SYNPR: variants seen among roughly 807,000 people sequenced by gnomAD.
SYNPR encodes the protein synaptoporin.
A neutral mutation model predicts 32.9 loss-of-function variants in SYNPR; 23 were observed. The ratio of observed to expected loss-of-function variants is 0.70; its 90% CI spans 0.50 to 0.99. The LOEUF is 0.99. Among genes scored for constraint, SYNPR ranks in the 50% least tolerant of loss-of-function variants. SYNPR has a pLI of 0.00. For missense variants in SYNPR, 318 were observed against 349.3 expected (o/e 0.91, Z 0.71); for synonymous variants, 146 against 135.9 (o/e 1.07, Z -0.52).
At chr3:63,235,632 C>A (rs1325646280) in intron 1 of SYNPR, among the ~76,000 whole-genome samples, 1 of 151,854 alleles carries the variant, frequency 6.6e-6, no homozygotes, top group Non-Finnish European at 1.5e-5. Context: ...ATGATTTAAA[C>A]AAAATTTTAA....
intron 4 of SYNPR, among the ~76,000 whole-genome samples, chr3:63,559,702 TG>T (rs1702652735): frequency 8.2e-6 from 1 of 121,638 alleles, no homozygotes; most frequent in Non-Finnish European, 1.7e-5. Flanking sequence ...TTTGGGCAAG[TG>T]TTTTTTTTTT....
intron 2 of SYNPR, among the ~76,000 whole-genome samples, chr3:63,371,071 T>C (rs34100784): frequency 0.14 from 20,506 of 151,626 alleles, 2,138 homozygotes; most frequent in East Asian, 0.57. Context: ...AACCCACGAA[T>C]GAAAGAGAGG....
At chr3:63,301,206 C>T (rs887879580) in intron 2 of SYNPR, among the ~76,000 whole-genome samples, 2 of 152,044 alleles carry the variant, frequency 1.3e-5, no homozygotes. Flanking sequence ...AGTAGTATTA[C>T]CGTTATAAGT....
intron 2 of SYNPR, among the ~76,000 whole-genome samples, chr3:63,377,273 A>G (rs2087906822): frequency 6.6e-6 from 1 of 152,146 alleles, no homozygotes; most frequent in Non-Finnish European, 1.5e-5. Context: ...AGGATGTGGC[A>G]TTTTATTACT....
At chr3:63,382,601 A>C (rs2087986509) in intron 2 of SYNPR, among the ~76,000 whole-genome samples, 1 of 152,120 alleles carries the variant, frequency 6.6e-6, no homozygotes, top group African/African-American at 2.4e-5. Context: ...TTCCATCTCC[A>C]TATCTGAGAT....
At chr3:63,304,667 T>G (rs1307060006) in intron 2 of SYNPR, among the ~76,000 whole-genome samples, 1 of 151,998 alleles carries the variant, frequency 6.6e-6, no homozygotes, top group Non-Finnish European at 1.5e-5. Context: ...CTTGGGACTA[T>G]AAGTACCATA....
At chr3:63,282,684 G>GAAAA (rs34234414) in intron 2 of SYNPR, among the ~76,000 whole-genome samples, 6 of 115,830 alleles carry the variant, frequency 5.2e-5, no homozygotes, top group African/African-American at 7.3e-5. Context: ...CACTGTCTCA[G>GAAAA]AAAAAAAAAA....
chr3:63,577,390 A>G (rs1050871769), intron 4 of SYNPR, among the ~76,000 whole-genome samples: 1 of 152,180 alleles, frequency 6.6e-6, no homozygotes, highest in Non-Finnish European at 1.5e-5. Flanking sequence ...CAAGACCCAC[A>G]TGGAGAGGAA....
intron 4 of SYNPR, among the ~76,000 whole-genome samples, chr3:63,584,496 C>T (rs1236984527): frequency 6.6e-6 from 1 of 151,862 alleles, no homozygotes; most frequent in Middle Eastern, 3.2e-3. Flanking sequence ...CATCAATAAA[C>T]CAAGTGTGGT....
intron 2 of SYNPR, among the ~76,000 whole-genome samples, chr3:63,407,009 C>T (rs548867286): frequency 3.7e-4 from 56 of 152,238 alleles, no homozygotes; most frequent in Admixed American, 1.0e-3. Flanking sequence ...TGAGTTCATG[C>T]GCTACTTGTC....
chr3:63,375,673 A>T (rs1238706737), intron 2 of SYNPR, among the ~76,000 whole-genome samples: 3 of 152,190 alleles, frequency 2.0e-5, no homozygotes, highest in African/African-American at 7.2e-5. Flanking sequence ...TACCTGTGTA[A>T]CAAACCTGCA....
intron 2 of SYNPR, among the ~76,000 whole-genome samples, chr3:63,306,666 AAATC>A (rs1318070735): frequency 6.6e-6 from 1 of 152,072 alleles, no homozygotes; most frequent in Non-Finnish European, 1.5e-5. Flanking sequence ...AACTGCAAAG[AAATC>A]AATCAAAGCT....
chr3:63,457,942 T>C (rs766746891), intron 2 of SYNPR, among the ~76,000 whole-genome samples: 4 of 152,190 alleles, frequency 2.6e-5, no homozygotes, highest in Non-Finnish European at 4.4e-5. Context: ...CTTTGTTTAC[T>C]TGAAATGATA....
At chr3:63,202,238 A>T in the SYNPR span, among the ~76,000 whole-genome samples, 3 of 152,322 alleles carry the variant, frequency 2.0e-5, no homozygotes, top group East Asian at 5.8e-4. Flanking sequence ...TCCAGGTATA[A>T]CATTCTCTGT....
chr3:63,365,481 A>G (rs570975364), intron 2 of SYNPR, among the ~76,000 whole-genome samples: 2 of 152,330 alleles, frequency 1.3e-5, no homozygotes, highest in South Asian at 2.1e-4. Context: ...AGAGGTTCGC[A>G]TAAGAAGTTT....
At chr3:63,210,313 A>C in the SYNPR span, among the ~76,000 whole-genome samples, 7 of 152,352 alleles carry the variant, frequency 4.6e-5, no homozygotes, top group East Asian at 3.9e-4. Flanking sequence ...TTCCTCAAGG[A>C]GTAGGTAACA....
At chr3:63,437,419 C>T (rs1365814449) in intron 2 of SYNPR, among the ~76,000 whole-genome samples, 5 of 152,038 alleles carry the variant, frequency 3.3e-5, no homozygotes, top group African/African-American at 9.7e-5. Context: ...CTAGAATCCA[C>T]CTGTTTGTGT....
At chr3:63,317,419 G>A (rs2087055016) in intron 2 of SYNPR, among the ~76,000 whole-genome samples, 1 of 151,868 alleles carries the variant, frequency 6.6e-6, no homozygotes, top group African/African-American at 2.4e-5. Flanking sequence ...GAGCTCCAGT[G>A]TTAGGTGCAT....
At chr3:63,339,453 A>C (rs2087335774) in intron 2 of SYNPR, among the ~76,000 whole-genome samples, 1 of 152,228 alleles carries the variant, frequency 6.6e-6, no homozygotes, top group Non-Finnish European at 1.5e-5. Context: ...CCTGATGTTA[A>C]TGTCTTGGGA....
Sources: gnomAD v4.1 joint callset for allele counts (sites outside exome capture counted in the v4.1 genomes callset) on GRCh38, gnomAD v4.1.1 for gene constraint, MANE v1.5 for transcripts, NCBI Gene and HGNC (gene_info 2026-07-23, HGNC 2026-07-21) for gene names.